Variants in SPTLC3 observed in about 807,000 individuals in gnomAD.
SPTLC3 encodes serine palmitoyltransferase long chain base subunit 3, also known as serine palmitoyltransferase 3.
In SPTLC3, 36 loss-of-function variants were observed where a neutral mutation model predicts 59.3. The observed-to-expected ratio is 0.61, with a 90% CI of 0.47 to 0.80. SPTLC3 has a LOEUF of 0.80. Ranked by LOEUF, SPTLC3 falls within the 30% of genes least tolerant of loss-of-function variation. SPTLC3 has a pLI of 0.00. For missense variants in SPTLC3, 625 were observed against 685.1 expected (o/e 0.91, Z 0.98); for synonymous variants, 257 against 240.8 (o/e 1.07, Z -0.62).
At chr20:13,142,112 C>A (rs779500182) in intron 9 of SPTLC3, among the ~76,000 whole-genome samples, 17 of 152,300 alleles carry the variant, frequency 1.1e-4, no homozygotes, top group Middle Eastern at 3.4e-3. Flanking sequence ...AAAGAGTTAG[C>A]CAAGGGTAGA....
chr20:13,048,903 A>G, intron 1 of SPTLC3, 42 bp from the exon 2 acceptor site: 2 of 1,507,944 alleles, frequency 1.3e-6, no homozygotes, highest in African/African-American at 1.4e-5. Flanking sequence ...GTATATCTGT[A>G]ACAGGAGAAT....
chr20:13,077,093 T>A (rs1174017048), intron 4 of SPTLC3, among the ~76,000 whole-genome samples: 2 of 152,022 alleles, frequency 1.3e-5, no homozygotes, highest in East Asian at 3.9e-4. Flanking sequence ...ATGGGTCAAT[T>A]TACATTCCAC....
At chr20:13,032,268 GC>G (rs1422439831) in intron 1 of SPTLC3, among the ~76,000 whole-genome samples, 2 of 152,176 alleles carry the variant, frequency 1.3e-5, no homozygotes, top group African/African-American at 4.8e-5. Flanking sequence ...TAGCCACTTA[GC>G]TCTAAAGCTG....
chr20:13,026,605 A>G (rs1568568530), intron 1 of SPTLC3, among the ~76,000 whole-genome samples: 1 of 152,210 alleles, frequency 6.6e-6, no homozygotes, highest in Non-Finnish European at 1.5e-5. Context: ...ATAAAGCATC[A>G]ATACGTCTTC....
At chr20:13,117,090 A>T (rs1372956249) in intron 7 of SPTLC3, among the ~76,000 whole-genome samples, 1 of 152,230 alleles carries the variant, frequency 6.6e-6, no homozygotes, top group Non-Finnish European at 1.5e-5. Context: ...CACCAAATTT[A>T]AGTCAAACAG....
chr20:13,053,229 C>T (rs147631657), intron 2 of SPTLC3, among the ~76,000 whole-genome samples: 9 of 152,242 alleles, frequency 5.9e-5, no homozygotes, highest in Middle Eastern at 3.4e-3. Context: ...CTGCAGCCTC[C>T]GCTGGTGATA....
At chr20:13,124,557 TAGA>T (rs2037943348) in intron 8 of SPTLC3, among the ~76,000 whole-genome samples, 1 of 151,644 alleles carries the variant, frequency 6.6e-6, no homozygotes, top group Non-Finnish European at 1.5e-5. Flanking sequence ...AAGGAAGTCA[TAGA>T]AGAAGGACGG....
chr20:13,016,838 G>A (rs915750976), intron 1 of SPTLC3, among the ~76,000 whole-genome samples: 23 of 152,106 alleles, frequency 1.5e-4, no homozygotes, highest in African/African-American at 5.3e-4. Flanking sequence ...AACATGTCTT[G>A]AGATCTTCAA....
chr20:13,126,911 A>G lies in SPTLC3; in HGVS notation c.1279+194A>G, dbSNP rs1418990902. ...TTGTTAAAGCAAAGAAAACTTTCTAATTTACCTCATTGTGAACAGCAAATT... is the reference window on the plus strand; with the variant it reads ...TTGTTAAAGCAAAGAAAACTTTCTAGTTTACCTCATTGTGAACAGCAAATT... On this transcript the variant is annotated intron_variant, in intron 9 of 11. Transcript: ENST00000399002. Among the ~76,000 whole-genome samples, 5 of 152,260 alleles carry G rather than the reference A, an allele frequency of 3.3e-5. No individual in the cohort carries two copies. The East Asian group carries it at 9.6e-4, about 29-fold the overall frequency.
At chr20:13,070,702 G>A (rs1461605390) in intron 2 of SPTLC3, among the ~76,000 whole-genome samples, 1 of 152,124 alleles carries the variant, frequency 6.6e-6, no homozygotes, top group Non-Finnish European at 1.5e-5. Flanking sequence ...TCTGTGCCCA[G>A]CTGACATTGC....
intron 6 of SPTLC3, among the ~76,000 whole-genome samples, chr20:13,108,962 T>C (rs1333602223): frequency 1.3e-5 from 2 of 152,126 alleles, no homozygotes; most frequent in African/African-American, 4.8e-5. Flanking sequence ...TTTCATCTTC[T>C]CAAAAAAGGG....
rs973380186 is a variant in SPTLC3 at position 13,164,953 on chromosome 20, C to T, written c.*86C>T. The T allele has an allele frequency of 8.5e-7, 1 of 1,175,720 alleles. No individual in the cohort carries two copies. Among genetic ancestry groups the T allele is most frequent in the Non-Finnish European group, 1.2e-6 (1 of 839,178 alleles). 72.8% of individuals were successfully genotyped at this position (1,175,720 alleles called of 1,614,324 possible). On this transcript the variant is annotated 3_prime_UTR_variant, in exon 12 of 12. Transcript: ENST00000399002. ...CAAGGAATATAAATGGATTTCTCCCCCTTCCTCAGGACAATTTTGGTTCCC... is the reference window on the plus strand; with the variant it reads ...CAAGGAATATAAATGGATTTCTCCCTCTTCCTCAGGACAATTTTGGTTCCC...
intron 9 of SPTLC3, among the ~76,000 whole-genome samples, chr20:13,145,807 A>G (rs1286329283): frequency 6.6e-6 from 1 of 152,232 alleles, no homozygotes; most frequent in Non-Finnish European, 1.5e-5. Flanking sequence ...GACCAATGGA[A>G]CAGAATAGAG....
chr20:13,138,851 G>A (rs942885336), intron 9 of SPTLC3, among the ~76,000 whole-genome samples: 19 of 152,184 alleles, frequency 1.2e-4, no homozygotes, highest in African/African-American at 4.6e-4. Flanking sequence ...TCAAGCCAAT[G>A]CTACTTAAAT....
intron 9 of SPTLC3, among the ~76,000 whole-genome samples, chr20:13,142,913 T>C (rs533417363): frequency 6.6e-6 from 1 of 152,308 alleles, no homozygotes; most frequent in African/African-American, 2.4e-5. Context: ...CCCGCCTCTC[T>C]CTCTCTCTTT....
intron 2 of SPTLC3, 130 bp from the exon 3 acceptor site, chr20:13,072,126 A>T: frequency 1.0e-6 from 1 of 988,136 alleles, no homozygotes. Flanking sequence ...TCACCTACTG[A>T]CCTTTGCTCA....
intron 1 of SPTLC3, among the ~76,000 whole-genome samples, chr20:13,037,070 G>C (rs1986769311): frequency 6.6e-6 from 1 of 152,088 alleles, no homozygotes; most frequent in South Asian, 2.1e-4. Context: ...TTCCCCTTAT[G>C]CCACAGGAAG....
chr20:13,070,734 A>G (rs536790920), intron 2 of SPTLC3, among the ~76,000 whole-genome samples: 29 of 152,120 alleles, frequency 1.9e-4, no homozygotes, highest in Non-Finnish European at 3.7e-4. Context: ...CGCTGTAGGG[A>G]GTCATTAGGG....
chr20:13,124,370 G>A (rs2037938074), intron 8 of SPTLC3, among the ~76,000 whole-genome samples: 1 of 151,750 alleles, frequency 6.6e-6, no homozygotes, highest in Non-Finnish European at 1.5e-5. Flanking sequence ...AAGAAGGGAG[G>A]GAGGAAGGAA....
Sources: allele counts gnomAD v4.1 joint callset (sites outside exome capture counted in the v4.1 genomes callset), GRCh38; gene constraint gnomAD v4.1.1; transcripts MANE v1.5; gene names NCBI Gene and HGNC (gene_info 2026-07-23, HGNC 2026-07-21).